RALGAPA2: variants seen among roughly 807,000 people sequenced by gnomAD.
The protein encoded by RALGAPA2 is Ral GTPase activating protein catalytic subunit alpha 2.
In RALGAPA2, 139 loss-of-function variants were observed where a neutral mutation model predicts 230.4. The observed-to-expected ratio is 0.60, with a 90% CI of 0.53 to 0.69. The LOEUF is 0.69. Ranked by LOEUF, RALGAPA2 falls within the 30% of genes least tolerant of loss-of-function variation. The pLI is 0.00. For missense variants in RALGAPA2, 2,163 were observed against 2,276.0 expected (o/e 0.95, Z 1.01); for synonymous variants, 847 against 837.8 (o/e 1.01, Z -0.19).
At chr20:20,412,429 G>A (rs1056341912) in intron 37 of RALGAPA2, among the ~76,000 whole-genome samples, 1 of 152,130 alleles carries the variant, frequency 6.6e-6, no homozygotes, top group Non-Finnish European at 1.5e-5. Flanking sequence ...CATTAGGGTC[G>A]ATTTAAACAA....
rs558252100 is a variant in RALGAPA2 at position 20,711,901 on chromosome 20, A to G, written c.106+474T>C. On this transcript the variant is annotated intron_variant, in intron 1 of 39. Transcript: ENST00000202677. ...GGTCTCACACTCAAAAGTAAAAATAAAATTTAAAAGGGGGATGACAGAGAT... is the reference window on the plus strand; with the variant it reads ...GGTCTCACACTCAAAAGTAAAAATAGAATTTAAAAGGGGGATGACAGAGAT... 7.2e-5 allele frequency among the ~76,000 whole-genome samples: 11 copies of G among 152,278 alleles called. No homozygotes were observed. The South Asian group carries it at 2.3e-3, about 32-fold the overall frequency.
chr20:20,678,798 C>T (rs1480244558), intron 2 of RALGAPA2, among the ~76,000 whole-genome samples: 3 of 152,096 alleles, frequency 2.0e-5, no homozygotes, highest in Non-Finnish European at 2.9e-5. Flanking sequence ...ACTCCATGTC[C>T]ATCTGTTTGG....
chr20:20,657,330 G>A (rs1457326265), intron 3 of RALGAPA2, among the ~76,000 whole-genome samples: 1 of 152,198 alleles, frequency 6.6e-6, no homozygotes, highest in Admixed American at 6.5e-5. Context: ...CTGGCTTGGG[G>A]CCATGATGCA....
chr20:20,413,799 C>T (rs912556928), intron 37 of RALGAPA2, among the ~76,000 whole-genome samples: 33 of 152,218 alleles, frequency 2.2e-4, no homozygotes, highest in Non-Finnish European at 3.7e-4. Context: ...TGGGCACAAC[C>T]GCCCAAGGCC....
At chr20:20,419,131 T>TG (rs2060225153) in intron 37 of RALGAPA2, among the ~76,000 whole-genome samples, 1 of 152,142 alleles carries the variant, frequency 6.6e-6, no homozygotes, top group Non-Finnish European at 1.5e-5. Context: ...AATAATAACC[T>TG]GGGATTACCT....
intron 36 of RALGAPA2, among the ~76,000 whole-genome samples, chr20:20,492,652 G>A (rs993874275): frequency 8.5e-5 from 13 of 152,248 alleles, no homozygotes; most frequent in African/African-American, 2.9e-4. Context: ...TGTCCCTGGC[G>A]GTATGTGCAG....
At chr20:20,491,727 A>G (rs766911209) in intron 36 of RALGAPA2, among the ~76,000 whole-genome samples, 1 of 152,130 alleles carries the variant, frequency 6.6e-6, no homozygotes, top group Admixed American at 6.5e-5. Context: ...TAACAATAAC[A>G]CATTTCTTTT....
At chr20:20,450,383 T>C (rs903574671) in intron 37 of RALGAPA2, among the ~76,000 whole-genome samples, 3 of 152,370 alleles carry the variant, frequency 2.0e-5, no homozygotes, top group African/African-American at 7.2e-5. Context: ...AACTTAACGA[T>C]AATTTTGTTT....
chr20:20,670,028 T>A (rs2146741540), intron 3 of RALGAPA2, among the ~76,000 whole-genome samples: 1 of 152,356 alleles, frequency 6.6e-6, no homozygotes, highest in African/African-American at 2.4e-5. Flanking sequence ...TTCAGGATTT[T>A]CTGTGATTCA....
intron 20 of RALGAPA2, among the ~76,000 whole-genome samples, chr20:20,575,734 TG>T (rs1188985954): frequency 1.3e-5 from 2 of 152,192 alleles, no homozygotes; most frequent in Non-Finnish European, 2.9e-5. Context: ...GGTTGTTTCT[TG>T]GCTTCCCCTA....
chr20:20,521,597 T>A (rs920821947), intron 30 of RALGAPA2, among the ~76,000 whole-genome samples: 1 of 152,222 alleles, frequency 6.6e-6, no homozygotes, highest in Non-Finnish European at 1.5e-5. Context: ...ACAAGATTAG[T>A]TCCTGAAAGT....
chr20:20,643,479 A>C, intron 5 of RALGAPA2, 27 bp downstream of exon 5: 1 of 1,457,160 alleles, frequency 6.9e-7, no homozygotes, highest in Non-Finnish European at 9.2e-7. Flanking sequence ...AGTAATAAAA[A>C]ATGTCATTAC....
At chr20:20,490,380 T>C (rs2062019639) in intron 36 of RALGAPA2, among the ~76,000 whole-genome samples, 1 of 152,220 alleles carries the variant, frequency 6.6e-6, no homozygotes, top group Admixed American at 6.5e-5. Context: ...TAATAAATTA[T>C]CCAAACAGAA....
At chr20:20,544,919 A>G (rs1209790759) in intron 24 of RALGAPA2, among the ~76,000 whole-genome samples, 1 of 152,202 alleles carries the variant, frequency 6.6e-6, no homozygotes, top group Non-Finnish European at 1.5e-5. Flanking sequence ...TACCTAATGT[A>G]GGTGACAGGT....
chr20:20,422,889 G>A (rs557374721), intron 37 of RALGAPA2, among the ~76,000 whole-genome samples: 140 of 152,342 alleles, frequency 9.2e-4, no homozygotes, highest in Non-Finnish European at 1.6e-3. Flanking sequence ...TGGGTGGAGC[G>A]ATTCATGGGA....
rs1390757972 is a variant in RALGAPA2, at chr20:20,512,726, G to T, written c.4643C>A (p.Thr1548Asn). 6.2e-7 allele frequency: 1 copy of T among 1,613,726 alleles called. No individual in the cohort carries two copies. The highest frequency in any genetic ancestry group is 1.3e-5 in the African/African-American group (1 of 74,904). Residue 1548 changes from threonine to asparagine, a missense_variant, in exon 32 of 40, where the codon ACC becomes AAC. By Grantham distance (65) the Thr-to-Asn change is moderately conservative (BLOSUM62 0). Coordinates refer to ENST00000202677, the MANE Select transcript of RALGAPA2 (RefSeq NM_020343.4). ...SQLNLNEPSLTPCGMNYDQEK... is the reference protein window; with the variant it reads ...SQLNLNEPSLNPCGMNYDQEK... ...TTGGTCATAGTTCATGCCACATGGG[G>T]TTAGGGAAGGTTCATTTAGATTTAG...
chr20:20,510,510 C>T (rs964239058), intron 33 of RALGAPA2, among the ~76,000 whole-genome samples: 3 of 148,536 alleles, frequency 2.0e-5, no homozygotes, highest in East Asian at 1.9e-4. Flanking sequence ...AATATTCCTA[C>T]AGGGAATAAA....
At chr20:20,621,761 GC>G (rs1810330590) in intron 10 of RALGAPA2, among the ~76,000 whole-genome samples, 1 of 152,110 alleles carries the variant, frequency 6.6e-6, no homozygotes, top group African/African-American at 2.4e-5. Context: ...TTTGCTTTTC[GC>G]TTATCAGTTT....
intron 36 of RALGAPA2, among the ~76,000 whole-genome samples, chr20:20,487,336 T>C (rs1223906915): frequency 6.6e-6 from 1 of 152,220 alleles, no homozygotes; most frequent in Non-Finnish European, 1.5e-5. Flanking sequence ...TTTTCTTAAA[T>C]AAGATCTGGG....
Sources: gnomAD v4.1 joint callset for allele counts (sites outside exome capture counted in the v4.1 genomes callset) on GRCh38, gnomAD v4.1.1 for gene constraint, MANE v1.5 for transcripts, NCBI Gene and HGNC (gene_info 2026-07-23, HGNC 2026-07-21) for gene names.